Variants in SENP6 observed in about 807,000 individuals in gnomAD.
SENP6 encodes SUMO specific peptidase 6, also known as sentrin-specific protease 6.
In SENP6, 41 loss-of-function variants were observed where a neutral mutation model predicts 134.5. The ratio of observed to expected loss-of-function variants is 0.30; its 90% CI spans 0.24 to 0.40. The LOEUF (loss-of-function observed/expected upper bound fraction) is 0.40, where lower values mean the gene tolerates loss of function less well. Ranked by LOEUF, SENP6 falls within the 10% of genes least tolerant of loss-of-function variation. The pLI is 1.00. For synonymous variants in SENP6, 395 were observed against 429.8 expected (o/e 0.92, Z 1.00); for missense variants, 1,248 against 1,312.5 (o/e 0.95, Z 0.76).
chr6:75,665,596 A>G (rs141323231), intron 9 of SENP6, among the ~76,000 whole-genome samples: 2 of 152,220 alleles, frequency 1.3e-5, no homozygotes, highest in East Asian at 1.9e-4. Context: ...AGTACAAGGT[A>G]TAAGAGCAAA....
intron 1 of SENP6, among the ~76,000 whole-genome samples, chr6:75,618,960 T>C (rs541252509): frequency 6.6e-6 from 1 of 151,966 alleles, no homozygotes; most frequent in Non-Finnish European, 1.5e-5. Flanking sequence ...CAGGCTTGCA[T>C]TGAAGTTTTA....
At chr6:75,638,121 C>T (rs1769668163) in intron 5 of SENP6, among the ~76,000 whole-genome samples, 1 of 152,052 alleles carries the variant, frequency 6.6e-6, no homozygotes, top group Non-Finnish European at 1.5e-5. Flanking sequence ...CTTGGCCTCC[C>T]AAAGTGCTGG....
At chr6:75,697,717 A>T (rs912467195) in intron 18 of SENP6, 200 bp downstream of exon 18, 2 of 478,658 alleles carry the variant, frequency 4.2e-6, no homozygotes, top group African/African-American at 3.9e-5. Context: ...TTTTAGAGAC[A>T]ATAGACCAGA....
chr6:75,654,781 C>G (rs1474751544), intron 7 of SENP6, among the ~76,000 whole-genome samples: 1 of 152,188 alleles, frequency 6.6e-6, no homozygotes, highest in Non-Finnish European at 1.5e-5. Context: ...AAGCCTCTTC[C>G]TTACCCTGCT....
intron 1 of SENP6, among the ~76,000 whole-genome samples, chr6:75,610,515 C>G (rs1161580636): frequency 6.6e-6 from 1 of 152,170 alleles, no homozygotes; most frequent in African/African-American, 2.4e-5. Context: ...ATCCATTTGA[C>G]ACTAAAAACA....
chr6:75,606,329 CCT>C (rs1476516576), intron 1 of SENP6, among the ~76,000 whole-genome samples: 1 of 152,120 alleles, frequency 6.6e-6, no homozygotes, highest in East Asian at 1.9e-4. Flanking sequence ...TCTCCTCTCC[CCT>C]CTTTGACTTG....
At chr6:75,635,490 A>G (rs879486742) in intron 5 of SENP6, among the ~76,000 whole-genome samples, 5 of 152,150 alleles carry the variant, frequency 3.3e-5, no homozygotes, top group South Asian at 2.1e-4. Context: ...TAAAAATGTA[A>G]TATCTAGACT....
intron 2 of SENP6, among the ~76,000 whole-genome samples, chr6:75,623,643 G>T (rs757646436): frequency 6.6e-6 from 1 of 152,104 alleles, no homozygotes; most frequent in Non-Finnish European, 1.5e-5. Flanking sequence ...TGATCCATGG[G>T]CTAATCTTGC....
At chr6:75,653,125 G>A (rs937758153) in intron 7 of SENP6, among the ~76,000 whole-genome samples, 1 of 152,064 alleles carries the variant, frequency 6.6e-6, no homozygotes, top group Non-Finnish European at 1.5e-5. Context: ...CCACCTCCCG[G>A]GTTCAAGCGA....
intron 1 of SENP6, among the ~76,000 whole-genome samples, chr6:75,612,235 G>T (rs1767507181): frequency 6.6e-6 from 1 of 152,142 alleles, no homozygotes; most frequent in Non-Finnish European, 1.5e-5. Context: ...TCAAGGCTTT[G>T]GAAAATCTTG....
chr6:75,645,369 A>T (rs1200430575), intron 6 of SENP6, among the ~76,000 whole-genome samples: 1 of 152,184 alleles, frequency 6.6e-6, no homozygotes, highest in African/African-American at 2.4e-5. Flanking sequence ...TAATCTCAGC[A>T]CTTTGGGAGG....
intron 8 of SENP6, among the ~76,000 whole-genome samples, chr6:75,661,211 G>A (rs1401966732): frequency 3.2e-4 from 49 of 152,254 alleles, no homozygotes; most frequent in Non-Finnish European, 1.9e-4. Context: ...TTCCCACGTT[G>A]CATGTTTGTA....
intron 1 of SENP6, among the ~76,000 whole-genome samples, chr6:75,619,376 G>C (rs774499137): frequency 6.6e-6 from 1 of 151,888 alleles, no homozygotes; most frequent in African/African-American, 2.4e-5. Context: ...CTGTTTTCAA[G>C]GTTCATCTGT....
intron 16 of SENP6, among the ~76,000 whole-genome samples, chr6:75,694,826 G>A (rs956682390): frequency 6.6e-6 from 1 of 152,012 alleles, no homozygotes; most frequent in Admixed American, 6.6e-5. Context: ...ATAATGTGGG[G>A]ACATATGCTC....
At chr6:75,709,989 AC>A (rs1763044257) in intron 20 of SENP6, among the ~76,000 whole-genome samples, 1 of 152,268 alleles carries the variant, frequency 6.6e-6, no homozygotes, top group South Asian at 2.1e-4. Context: ...TGTGGTGTGG[AC>A]TGAACTTTAA....
In SENP6 at chr6:75,614,904, GAC is replaced by G. The variant is rs1305115737; in HGVS notation, c.53-6626_53-6625del. ...AAGTTTTTTGTTGTTGTTGTTTTGAGACAGAGTCTCACACACTTTTTTACCCA... is the reference window on the plus strand; with the variant it reads ...AAGTTTTTTGTTGTTGTTGTTTTGAGAGAGTCTCACACACTTTTTTACCCA... On this transcript the variant is annotated intron_variant, in intron 1 of 23. Coordinates refer to ENST00000447266, the MANE Select transcript of SENP6 (RefSeq NM_015571.4). 2.6e-5 allele frequency among the ~76,000 whole-genome samples: 4 copies of G among 151,982 alleles called. No individual in the cohort carries two copies. In the South Asian group the frequency reaches 8.3e-4, roughly 32 times the overall value.
At chr6:75,690,609 A>G (rs562217986) in intron 16 of SENP6, among the ~76,000 whole-genome samples, 4 of 152,260 alleles carry the variant, frequency 2.6e-5, no homozygotes, top group South Asian at 2.1e-4. Flanking sequence ...TGTTTTTAAC[A>G]CTGTGCATAT....
intron 16 of SENP6, among the ~76,000 whole-genome samples, chr6:75,689,438 A>G (rs1464136492): frequency 2.0e-5 from 3 of 152,248 alleles, no homozygotes; most frequent in East Asian, 1.9e-4. Flanking sequence ...AAAACAGAAA[A>G]TAAGTGTTGA....
chr6:75,703,184 G>C, intron 19 of SENP6, 112 bp downstream of exon 19: 1 of 903,352 alleles, frequency 1.1e-6, no homozygotes, highest in Non-Finnish European at 1.7e-6. Flanking sequence ...GACTGGGTGT[G>C]GTGGCTCACG....
Sources: gnomAD v4.1 joint callset for allele counts (sites outside exome capture counted in the v4.1 genomes callset) on GRCh38, gnomAD v4.1.1 for gene constraint, MANE v1.5 for transcripts, NCBI Gene and HGNC (gene_info 2026-07-23, HGNC 2026-07-21) for gene names.